Variants in SMCO4 observed in about 807,000 individuals in gnomAD.
SMCO4 encodes single-pass membrane and coiled-coil domain-containing protein 4.
SMCO4 carries 4 observed loss-of-function variants against 3.6 expected under a neutral mutation model. The ratio of observed to expected loss-of-function variants is 1.11; its 90% CI spans 0.54 to 2.53. The LOEUF (loss-of-function observed/expected upper bound fraction) is 2.53, where lower values mean the gene tolerates loss of function less well. SMCO4 is among the 30% of genes most tolerant of loss of function. The pLI, the probability that SMCO4 is intolerant of heterozygous loss-of-function variation, is 0.02. For missense variants in SMCO4, 70 were observed against 80.8 expected (o/e 0.87, Z 0.51); for synonymous variants, 36 against 35.3 (o/e 1.02, Z -0.07).
At chr11:93,523,889 G>C (rs1408638412) in intron 1 of SMCO4, among the ~76,000 whole-genome samples, 1 of 152,164 alleles carries the variant, frequency 6.6e-6, no homozygotes, top group Non-Finnish European at 1.5e-5. Context: ...AGTAAATGAA[G>C]CATATATCAG....
chr11:93,538,498 A>G (rs1949246834), intron 1 of SMCO4, among the ~76,000 whole-genome samples: 1 of 152,066 alleles, frequency 6.6e-6, no homozygotes, highest in African/African-American at 2.4e-5. Context: ...GAGGAATCCA[A>G]CTTCATTCTC....
chr11:93,522,098 C>T (rs938270813), intron 1 of SMCO4, among the ~76,000 whole-genome samples: 1 of 58,294 alleles, frequency 1.7e-5, no homozygotes, highest in Non-Finnish European at 3.5e-5. Flanking sequence ...AACTTTAAAA[C>T]AAAACAAAAA....
At chr11:93,526,279 C>T (rs1318736601) in intron 1 of SMCO4, among the ~76,000 whole-genome samples, 1 of 141,496 alleles carries the variant, frequency 7.1e-6, no homozygotes, top group South Asian at 2.4e-4. Flanking sequence ...GATTAGAGAA[C>T]AGAAACAGAC....
In SMCO4 at chr11:93,481,452, A is replaced by G. The variant is rs917464573; in HGVS notation, c.-80-2183T>C. 5 of 985,246 alleles carry G rather than the reference A, an allele frequency of 5.1e-6. No homozygotes were observed. The African/African-American group carries it at 8.7e-5, about 17-fold the overall frequency. 61.0% of individuals were successfully genotyped at this position (985,246 alleles called of 1,614,324 possible). A position where few individuals can be genotyped will look rare whatever the true frequency, so the allele number is the denominator to read the frequency against. ...CCACCTTCGCGGGACCGTGGTGAGG[A>G]TGGAGTAGGAAGCTGTATAACTCAG... On this transcript the variant is annotated intron_variant, in intron 2 of 2. Transcript: ENST00000298966.
intron 2 of SMCO4, among the ~76,000 whole-genome samples, chr11:93,488,218 C>T (rs1948672818): frequency 1.3e-5 from 2 of 152,204 alleles, no homozygotes; most frequent in Admixed American, 1.3e-4. Flanking sequence ...CATGCACAGA[C>T]CCTCAGGCGG....
chr11:93,520,187 A>G (rs1305157587), intron 1 of SMCO4, among the ~76,000 whole-genome samples: 1 of 152,176 alleles, frequency 6.6e-6, no homozygotes, highest in East Asian at 1.9e-4. Flanking sequence ...AGAGAAAAGA[A>G]TCCTGAAGTT....
At chr11:93,492,946 C>T (rs1027775387) in intron 2 of SMCO4, among the ~76,000 whole-genome samples, 3 of 152,168 alleles carry the variant, frequency 2.0e-5, no homozygotes, top group Admixed American at 6.5e-5. Flanking sequence ...ATTTACATAG[C>T]GGTGTGTCAA....
intron 1 of SMCO4, among the ~76,000 whole-genome samples, chr11:93,499,824 T>C (rs915384732): frequency 6.6e-6 from 1 of 151,946 alleles, no homozygotes; most frequent in Non-Finnish European, 1.5e-5. Flanking sequence ...AAATAAAAGA[T>C]GAGAAAGTGA....
rs968672767 is a variant in SMCO4, at chr11:93,478,863, A to G, written c.*147T>C. The G allele has an allele frequency of 4.5e-5, 64 of 1,427,890 alleles. No homozygotes were observed. The highest frequency in any genetic ancestry group is 5.5e-5 in the Non-Finnish European group (60 of 1,093,524). The allele number at this position is 1,427,890 out of a possible 1,614,324, so 88.5% of individuals were successfully genotyped here. On this transcript the variant is annotated 3_prime_UTR_variant, in exon 3 of 3. Coordinates refer to ENST00000298966, the MANE Select transcript of SMCO4 (RefSeq NM_020179.3). The stretch of plus-strand genomic sequence containing the variant: ...CCTCCCAAGAAAGCGGAGATACTTT[A>G]ATCAAGTCAAAGACCAGAGAAGACA...
At chr11:93,549,080 G>A in the SMCO4 span, among the ~76,000 whole-genome samples, 1 of 152,140 alleles carries the variant, frequency 6.6e-6, no homozygotes, top group African/African-American at 2.4e-5. Context: ...TAGTTTTCCT[G>A]CCCTGAGACT....
chr11:93,542,417 A>G (rs1949278285), intron 1 of SMCO4, among the ~76,000 whole-genome samples: 1 of 152,102 alleles, frequency 6.6e-6, no homozygotes, highest in Admixed American at 6.6e-5. Flanking sequence ...GCTCCCGGAG[A>G]TAGTTATGAT....
At chr11:93,535,467 C>G in intron 1 of SMCO4, 1 of 1,388,594 alleles carries the variant, frequency 7.2e-7, no homozygotes, top group Non-Finnish European at 1.0e-6. Flanking sequence ...AGAGTCGCCG[C>G]GATGGTGTTG....
intron 1 of SMCO4, among the ~76,000 whole-genome samples, chr11:93,532,215 T>C (rs1294957375): frequency 6.6e-6 from 1 of 152,196 alleles, no homozygotes; most frequent in African/African-American, 2.4e-5. Flanking sequence ...CAATGACTAG[T>C]GTCCTTATAA....
upstream of SMCO4, among the ~76,000 whole-genome samples, chr11:93,547,564 C>T (rs978275385): frequency 2.6e-5 from 4 of 152,144 alleles, no homozygotes; most frequent in Non-Finnish European, 5.9e-5. Flanking sequence ...AATTCTCCCT[C>T]CACGAGAAAA....
intron 1 of SMCO4, among the ~76,000 whole-genome samples, chr11:93,536,051 A>AT (rs1165066289): frequency 1.3e-5 from 2 of 152,206 alleles, no homozygotes; most frequent in Non-Finnish European, 2.9e-5. Context: ...TGGATTATAG[A>AT]TAAAAAGTCT....
rs143284096 is a variant in SMCO4, at chr11:93,493,390, G to A, written c.-81+5886C>T. Among the ~76,000 whole-genome samples, 223 of 152,178 alleles carry A rather than the reference G, an allele frequency of 1.5e-3. 2 individuals carry two copies. Among genetic ancestry groups the A allele is most frequent in the Middle Eastern group, 6.8e-3 (2 of 294 alleles). ...CCCCACGCTGCCCCCACCTGCTCCT[G>A]GTTAATAGCTTACCAAGGGCTGCTC... On this transcript the variant is annotated intron_variant, in intron 2 of 2. Coordinates refer to ENST00000298966, the MANE Select transcript of SMCO4 (RefSeq NM_020179.3).
In SMCO4 at chr11:93,512,153, C is replaced by A. The variant is rs181441993; in HGVS notation, c.-153-12805G>T. The stretch of plus-strand genomic sequence containing the variant: ...ATTGGTTTCATTATACATGGTTTCA[C>A]TTCAAGTCATAGTTTCCAAGAACCC... On this transcript the variant is annotated intron_variant, in intron 1 of 2. Transcript: ENST00000298966. 3.7e-4 allele frequency among the ~76,000 whole-genome samples: 56 copies of A among 152,298 alleles called. 1 individual carries two copies. Among genetic ancestry groups the A allele is most frequent in the African/African-American group, 1.3e-3 (54 of 41,566 alleles).
chr11:93,547,129 G>A (rs548544412), upstream of SMCO4, among the ~76,000 whole-genome samples: 4 of 152,316 alleles, frequency 2.6e-5, no homozygotes, highest in South Asian at 8.3e-4. Context: ...AAACAGCTCA[G>A]GAATCTTATG....
At chr11:93,518,448 C>G (rs1414226530) in intron 1 of SMCO4, among the ~76,000 whole-genome samples, 1 of 152,180 alleles carries the variant, frequency 6.6e-6, no homozygotes, top group African/African-American at 2.4e-5. Context: ...AGTCCCTGAT[C>G]CAATTCTTTT....
Sources: allele counts gnomAD v4.1 joint callset (sites outside exome capture counted in the v4.1 genomes callset), GRCh38; gene constraint gnomAD v4.1.1; transcripts MANE v1.5; gene names NCBI Gene and HGNC (gene_info 2026-07-23, HGNC 2026-07-21).